WDR88: variants seen among roughly 807,000 people sequenced by gnomAD.
The protein encoded by WDR88 is WD repeat-containing protein 88.
In WDR88, 40 loss-of-function variants were observed where a neutral mutation model predicts 46.8. The observed-to-expected ratio is 0.86, with a 90% CI of 0.66 to 1.11. The LOEUF (loss-of-function observed/expected upper bound fraction) is 1.11. Among genes scored for constraint, WDR88 ranks in the 50% most tolerant of loss-of-function variants. The pLI is 0.00. For synonymous variants in WDR88, 235 were observed against 240.7 expected, an observed-to-expected ratio of 0.98 and a Z score of 0.22; for missense variants, 562 against 602.4, an observed-to-expected ratio of 0.93 and a Z score of 0.70.
intron 6 of WDR88, among the ~76,000 whole-genome samples, chr19:33,154,573 T>C (rs1433128394): frequency 1.3e-5 from 2 of 152,222 alleles, no homozygotes; most frequent in Admixed American, 6.6e-5. Flanking sequence ...CCATGGTGTA[T>C]ATGTACCACA....
rs1568367741 is a variant in WDR88 at position 33,157,708 on chromosome 19, TA to T, written c.997+1167del. ...GTATGTATATATATATATATATATA[TA>T]TATATATATATATATATATATATAT... On this transcript the variant is annotated intron_variant, in intron 7 of 10. Coordinates refer to ENST00000355868, the MANE Select transcript of WDR88 (RefSeq NM_173479.4). 3.2e-4 allele frequency among the ~76,000 whole-genome samples: 7 copies of T among 22,000 alleles called. No homozygotes were observed. The East Asian group carries it at 3.9e-3, about 12-fold the overall frequency. 14.4% of individuals were successfully genotyped at this position (22,000 alleles called of 152,430 possible). A position where few individuals can be genotyped will look rare whatever the true frequency, so the allele number is the denominator to read the frequency against.
At position 33,144,657 on chromosome 19, in the gene WDR88, C is replaced by T. The variant is rs529145113; in HGVS notation, c.388-187C>T. Among the ~76,000 whole-genome samples, 6 of 152,338 alleles carry T rather than the reference C, an allele frequency of 3.9e-5. No individual in the cohort carries two copies. The South Asian group carries it at 1.2e-3, about 32-fold the overall frequency. On this transcript the variant is annotated intron_variant, in intron 2 of 10. Transcript: ENST00000355868. ...TGCCAGGAATGGCAAGGGTGTCCTT[C>T]CCGCTCAGGGGACGGACATGTTGCA...
Position 33,151,325 on chromosome 19 carries a change from A to G in WDR88, c.809+15A>G. On this transcript the variant is annotated intron_variant, in intron 6 of 10. Coordinates refer to ENST00000355868, the MANE Select transcript of WDR88 (RefSeq NM_173479.4). ...ACCATCACTAAGTGAGTTGGACCCC[A>G]GGAGGCCAGAAGGGAGTTTGGGTGG... 1 of 1,610,012 alleles carries G rather than the reference A, an allele frequency of 6.2e-7. No individual in the cohort carries two copies. The highest frequency in any genetic ancestry group is 2.2e-5 in the East Asian group (1 of 44,810).
chr19:33,136,381 G>A (rs1358567622), intron 1 of WDR88, among the ~76,000 whole-genome samples: 3 of 151,594 alleles, frequency 2.0e-5, no homozygotes, highest in Non-Finnish European at 4.4e-5. Flanking sequence ...AGTAGAGATG[G>A]GGTTTTGCCA....
At chr19:33,156,290 AG>A (rs2145399734) in intron 6 of WDR88, 64 bp from the exon 7 acceptor site, 1 of 1,518,078 alleles carries the variant, frequency 6.6e-7, no homozygotes, top group East Asian at 2.3e-5. Context: ...CCCCGGCTTT[AG>A]GTATGTCTTC....
intron 8 of WDR88, among the ~76,000 whole-genome samples, chr19:33,162,195 G>C (rs1355033623): frequency 6.6e-6 from 1 of 151,558 alleles, no homozygotes; most frequent in Non-Finnish European, 1.5e-5. Flanking sequence ...GCTCTGAGCT[G>C]TTTTTTTTGT....
intron 9 of WDR88, among the ~76,000 whole-genome samples, chr19:33,170,177 CATTT>C (rs1974014388): frequency 6.6e-6 from 1 of 150,592 alleles, no homozygotes; most frequent in South Asian, 2.1e-4. Context: ...GCGCCCAGCC[CATTT>C]ATTTATGTTT....
At chr19:33,164,730 C>A (rs1001939360) in intron 9 of WDR88, among the ~76,000 whole-genome samples, 1 of 152,084 alleles carries the variant, frequency 6.6e-6, no homozygotes, top group Non-Finnish European at 1.5e-5. Flanking sequence ...CCTACTCCGC[C>A]CTCCACCCAT....
Position 33,147,649 on chromosome 19 carries a change from A to G in WDR88, c.481A>G (p.Ile161Val). 6.2e-7 allele frequency: 1 copy of G among 1,613,804 alleles called. No homozygotes were observed. The highest frequency in any genetic ancestry group is 8.5e-7 in the Non-Finnish European group (1 of 1,179,838). ...CSITGDSSRVIAASYDKTVRA... is the reference protein window; with the variant it reads ...CSITGDSSRVVAASYDKTVRA... ...TCATCGTCATCTTATTTCCAGAGTC[A>G]TTGCCGCATCCTATGATAAGACAGT... The change falls in exon 4 of 11, where the codon ATT becomes GTT. Residue 161 changes from isoleucine to valine, a missense_variant. Physicochemically the swap from Ile to Val is conservative, Grantham distance 29. Transcript: ENST00000355868.
At chr19:33,147,456 A>C (rs1973541775) in intron 3 of WDR88, among the ~76,000 whole-genome samples, 189 bp from the exon 4 acceptor site, 2 of 151,906 alleles carry the variant, frequency 1.3e-5, no homozygotes, top group South Asian at 2.1e-4. Context: ...TACAAAAATT[A>C]GCTGGGCGTG....
intron 5 of WDR88, among the ~76,000 whole-genome samples, chr19:33,149,262 T>G (rs534341443): frequency 1.6e-4 from 25 of 152,086 alleles, no homozygotes; most frequent in Non-Finnish European, 2.8e-4. Context: ...GTGGAGATTG[T>G]ATTGAGCTGA....
intron 1 of WDR88, among the ~76,000 whole-genome samples, chr19:33,137,033 T>C (rs1460295162): frequency 6.6e-6 from 1 of 151,526 alleles, no homozygotes; most frequent in Non-Finnish European, 1.5e-5. Context: ...TGGGCTCAAG[T>C]AGTCCTCCCG....
intron 7 of WDR88, among the ~76,000 whole-genome samples, chr19:33,159,008 G>T (rs1490226675): frequency 6.6e-6 from 1 of 151,862 alleles, no homozygotes; most frequent in Non-Finnish European, 1.5e-5. Context: ...GCTTTCTTTT[G>T]CTTTTTGTTA....
intron 9 of WDR88, among the ~76,000 whole-genome samples, chr19:33,172,053 C>T (rs7253505): frequency 6.6e-6 from 1 of 152,016 alleles, no homozygotes; most frequent in South Asian, 2.1e-4. Flanking sequence ...CATGAGCCAC[C>T]GCGCCTGGCC....
chr19:33,157,663 ATGTATG>A (rs1342548147), intron 7 of WDR88, among the ~76,000 whole-genome samples: 11 of 85,600 alleles, frequency 1.3e-4, no homozygotes, highest in South Asian at 8.5e-4. Flanking sequence ...GTATATATGT[ATGTATG>A]TGTGTGTGTG....
chr19:33,174,033 T>C (rs1246211823), intron 10 of WDR88: 7 of 731,764 alleles, frequency 9.6e-6, no homozygotes, highest in Admixed American at 2.7e-5. Context: ...TGTGTTTTTA[T>C]TAGAGACGGG....
At chr19:33,133,198 T>TAAATATAG (rs1555723214) in intron 1 of WDR88, among the ~76,000 whole-genome samples, 31 of 79,810 alleles carry the variant, frequency 3.9e-4, no homozygotes, top group Non-Finnish European at 8.8e-4. Context: ...TAAATAAATA[T>TAAATATAG]AGAGAGAGAG....
chr19:33,145,609 A>G (rs1440032850), intron 3 of WDR88, among the ~76,000 whole-genome samples: 1 of 150,370 alleles, frequency 6.7e-6, no homozygotes, highest in Non-Finnish European at 1.5e-5. Flanking sequence ...ATCTCGGCTC[A>G]TTGCAACCTC....
At chr19:33,146,206 G>A (rs373970991) in intron 3 of WDR88, among the ~76,000 whole-genome samples, 1 of 152,210 alleles carries the variant, frequency 6.6e-6, no homozygotes, top group African/African-American at 2.4e-5. Context: ...TTAGGCAGGA[G>A]AATTGCTTGA....
Sources: gnomAD v4.1 joint callset for allele counts (sites outside exome capture counted in the v4.1 genomes callset) on GRCh38, gnomAD v4.1.1 for gene constraint, MANE v1.5 for transcripts, NCBI Gene and HGNC (gene_info 2026-07-23, HGNC 2026-07-21) for gene names.